Variants in FAM135A observed in about 807,000 individuals in gnomAD.
The protein encoded by FAM135A is protein FAM135A.
Under a neutral mutation model 146.8 loss-of-function variants are expected in FAM135A, and 79 were observed. The ratio of observed to expected loss-of-function variants is 0.54; its 90% CI spans 0.45 to 0.65. FAM135A has a LOEUF of 0.65. FAM135A is among the 30% of genes least tolerant of loss of function. FAM135A has a pLI of 0.00. For synonymous variants in FAM135A, 562 were observed against 603.6 expected (o/e 0.93, Z 1.01); for missense variants, 1,623 against 1,758.2 (o/e 0.92, Z 1.38).
chr6:70,534,009 A>T (rs1796315455), intron 18 of FAM135A, among the ~76,000 whole-genome samples, 155 bp downstream of exon 18: 1 of 152,146 alleles, frequency 6.6e-6, no homozygotes, highest in Non-Finnish European at 1.5e-5. Context: ...TTAGGGAAAG[A>T]TTTATATGAA....
chr6:70,526,790 C>T (rs1561981147), intron 15 of FAM135A, 92 bp downstream of exon 15: 27 of 766,454 alleles, frequency 3.5e-5, no homozygotes, highest in South Asian at 4.2e-5. Flanking sequence ...CACACACACA[C>T]ACACACACAC....
At chr6:70,501,161 T>A (rs1298016922) in intron 11 of FAM135A, among the ~76,000 whole-genome samples, 2 of 152,222 alleles carry the variant, frequency 1.3e-5, no homozygotes, top group Non-Finnish European at 1.5e-5. Flanking sequence ...AGCCCCTGAC[T>A]GGGGCTGTTA....
At chr6:70,535,020 A>G (rs894153178) in intron 18 of FAM135A, among the ~76,000 whole-genome samples, 5 of 152,174 alleles carry the variant, frequency 3.3e-5, no homozygotes, top group African/African-American at 1.2e-4. Flanking sequence ...TTATTCATTT[A>G]TTTTATGATG....
intron 16 of FAM135A, among the ~76,000 whole-genome samples, chr6:70,530,529 C>T (rs1393070460): frequency 3.3e-5 from 5 of 152,074 alleles, no homozygotes; most frequent in Non-Finnish European, 7.4e-5. Context: ...AAGGAATCCA[C>T]TAAACTATTT....
At chr6:70,539,366 C>T (rs1356006605) in intron 20 of FAM135A, among the ~76,000 whole-genome samples, 1 of 152,096 alleles carries the variant, frequency 6.6e-6, no homozygotes, top group Non-Finnish European at 1.5e-5. Context: ...TTTGCAACTA[C>T]TTAACAATAC....
At chr6:70,519,498 T>A (rs1240722428) in intron 12 of FAM135A, among the ~76,000 whole-genome samples, 4 of 152,180 alleles carry the variant, frequency 2.6e-5, no homozygotes, top group Admixed American at 6.5e-5. Context: ...CATCACATGC[T>A]AAGGAGAAAT....
intron 2 of FAM135A, among the ~76,000 whole-genome samples, chr6:70,421,718 A>G (rs969496190): frequency 1.3e-5 from 2 of 152,166 alleles, no homozygotes; most frequent in African/African-American, 4.8e-5. Context: ...AAGGAGCCCC[A>G]TTTGAATAGA....
intron 20 of FAM135A, among the ~76,000 whole-genome samples, chr6:70,542,277 C>CACACACACACACACACA (rs35407465): frequency 2.0e-5 from 3 of 146,854 alleles, no homozygotes; most frequent in African/African-American, 8.0e-5. Flanking sequence ...CACACACACA[C>CACACACACACACACACA]CCTTTGCTGT....
At chr6:70,547,913 T>C (rs1799131200) in intron 20 of FAM135A, among the ~76,000 whole-genome samples, 1 of 152,184 alleles carries the variant, frequency 6.6e-6, no homozygotes, top group Non-Finnish European at 1.5e-5. Flanking sequence ...AAATTAAAGG[T>C]AACCGTTCAA....
intron 16 of FAM135A, among the ~76,000 whole-genome samples, chr6:70,530,383 A>T (rs1246573245): frequency 6.6e-6 from 1 of 152,182 alleles, no homozygotes; most frequent in Non-Finnish European, 1.5e-5. Flanking sequence ...TGAATATTAG[A>T]GGTACAACTT....
At chr6:70,529,239 G>A (rs1795313324) in intron 16 of FAM135A, among the ~76,000 whole-genome samples, 1 of 151,728 alleles carries the variant, frequency 6.6e-6, no homozygotes, top group Non-Finnish European at 1.5e-5. Flanking sequence ...TAGTGCTGGG[G>A]TTTTATGACA....
chr6:70,486,603 G>A (rs922978828), intron 10 of FAM135A, among the ~76,000 whole-genome samples: 1 of 151,910 alleles, frequency 6.6e-6, no homozygotes, highest in Non-Finnish European at 1.5e-5. Flanking sequence ...TTTTATCTTT[G>A]GCTAGGCCTA....
chr6:70,426,034 C>T (rs1770023817), intron 2 of FAM135A, among the ~76,000 whole-genome samples: 1 of 151,178 alleles, frequency 6.6e-6, no homozygotes, highest in Non-Finnish European at 1.5e-5. Context: ...ACCCGGGAAG[C>T]GGAGCTTGCA....
At chr6:70,544,119 A>T (rs1429405393) in intron 20 of FAM135A, among the ~76,000 whole-genome samples, 2 of 152,160 alleles carry the variant, frequency 1.3e-5, no homozygotes, top group African/African-American at 4.8e-5. Context: ...AAAAAAAAAA[A>T]AATGAATAAA....
chr6:70,472,385 T>G (rs1781794700), intron 5 of FAM135A, among the ~76,000 whole-genome samples: 1 of 152,166 alleles, frequency 6.6e-6, no homozygotes, highest in Non-Finnish European at 1.5e-5. Context: ...ATCTCAAACT[T>G]AAAGAAAAGT....
At chr6:70,522,805 TC>T (rs1392328548) in intron 13 of FAM135A, among the ~76,000 whole-genome samples, 5 of 152,282 alleles carry the variant, frequency 3.3e-5, no homozygotes, top group African/African-American at 1.2e-4. Flanking sequence ...TGCACTGTAT[TC>T]CTCCCTCCTT....
chr6:70,524,286 T>A, intron 14 of FAM135A, 57 bp from the exon 15 acceptor site: 16 of 1,434,334 alleles, frequency 1.1e-5, no homozygotes, highest in Non-Finnish European at 1.5e-5. Context: ...GAAGTCTTAA[T>A]CATATGAGTT....
At position 70,481,005 on chromosome 6, in the gene FAM135A, A is replaced by G. The variant is rs777585325; in HGVS notation, c.647A>G (p.Tyr216Cys). 1 of 1,609,132 alleles carries G rather than the reference A, an allele frequency of 6.2e-7. No homozygotes were observed. The highest frequency in any genetic ancestry group is 2.2e-5 in the East Asian group (1 of 44,596). The stretch of plus-strand genomic sequence containing the variant: ...GAAAGTGTGGTCTTTGGTATTAACT[A>G]CACAAAACAGTTATCACCAGATGTA... ...TLESVVFGIN[Y>C]TKQLSPDGCS... The change falls in exon 9 of 22, where the codon TAC becomes TGC. Residue 216 changes from tyrosine to cysteine, a missense_variant. By Grantham distance (194) the Tyr-to-Cys change is radical (BLOSUM62 -2). Coordinates refer to ENST00000418814, the MANE Select transcript of FAM135A (RefSeq NM_001162529.3).
At chr6:70,445,299 T>C (rs543018743) in intron 4 of FAM135A, among the ~76,000 whole-genome samples, 1 of 152,340 alleles carries the variant, frequency 6.6e-6, no homozygotes, top group East Asian at 1.9e-4. Context: ...ATGTATTTAC[T>C]GTCAAGCCCT....
Sources: gnomAD v4.1 joint callset for allele counts (sites outside exome capture counted in the v4.1 genomes callset) on GRCh38, gnomAD v4.1.1 for gene constraint, MANE v1.5 for transcripts, NCBI Gene and HGNC (gene_info 2026-07-23, HGNC 2026-07-21) for gene names.